PIAS1: variants seen among roughly 807,000 people sequenced by gnomAD.
The protein encoded by PIAS1 is protein inhibitor of activated STAT 1, also known as E3 SUMO-protein ligase PIAS1.
Under a neutral mutation model 71.3 loss-of-function variants are expected in PIAS1, and 6 were observed. The ratio of observed to expected loss-of-function variants is 0.08; its 90% CI spans 0.05 to 0.17. The LOEUF is 0.17. Ranked by LOEUF, PIAS1 falls within the 10% of genes least tolerant of loss-of-function variation. The probability of loss-of-function intolerance (pLI) is 1.00; values close to 1 mark genes in which losing one functional copy is unlikely to be tolerated. For synonymous variants in PIAS1, 303 were observed against 292.9 expected (o/e 1.03, Z -0.35); for missense variants, 555 against 793.6 (o/e 0.70, Z 3.61).
intron 7 of PIAS1, among the ~76,000 whole-genome samples, chr15:68,162,238 A>G (rs915535464): frequency 6.6e-6 from 1 of 152,064 alleles, no homozygotes; most frequent in Admixed American, 6.5e-5. Flanking sequence ...TCTTATTTCA[A>G]TTTATTTTCT....
intron 2 of PIAS1, among the ~76,000 whole-genome samples, 158 bp from the exon 3 acceptor site, chr15:68,141,788 A>C (rs997262828): frequency 1.3e-5 from 2 of 151,190 alleles, no homozygotes; most frequent in African/African-American, 4.8e-5. Flanking sequence ...TTATGTTACA[A>C]TTAGTGTATT....
chr15:68,139,729 A>G (rs2141044531), intron 2 of PIAS1, among the ~76,000 whole-genome samples: 1 of 152,258 alleles, frequency 6.6e-6, no homozygotes, highest in South Asian at 2.1e-4. Flanking sequence ...ATTAGATTTC[A>G]GGTTTTATGT....
Position 68,054,413 on chromosome 15 carries a change from G to T in PIAS1, c.24+63G>T. ...GCGGAGACGGCGCCGCTGCTGCCAG[G>T]GGGGATGGGTCCGACCCTGGGGGGC... On this transcript the variant is annotated intron_variant, in intron 1 of 13. Transcript: ENST00000249636. The surrounding 1 kb of genome is among the most constrained non-coding windows in gnomAD (Gnocchi z 4.6). The T allele has an allele frequency of 2.6e-6, 4 of 1,528,234 alleles. No homozygotes were observed. Among genetic ancestry groups the T allele is most frequent in the East Asian group, 2.5e-5 (1 of 40,578 alleles). The allele number at this position is 1,528,234 out of a possible 1,614,324, so 94.7% of individuals were successfully genotyped here.
intron 2 of PIAS1, among the ~76,000 whole-genome samples, chr15:68,109,860 A>G (rs1213734397): frequency 6.6e-6 from 1 of 152,126 alleles, no homozygotes; most frequent in African/African-American, 2.4e-5. Context: ...AGAAATGTCT[A>G]CTCACTTTTG....
chr15:68,146,161 A>G (rs1158585142), intron 5 of PIAS1, among the ~76,000 whole-genome samples: 1 of 152,132 alleles, frequency 6.6e-6, no homozygotes, highest in East Asian at 1.9e-4. Context: ...TTTTTTCAAC[A>G]AAATCTCAGC....
intron 2 of PIAS1, among the ~76,000 whole-genome samples, chr15:68,123,792 AAT>A (rs1203083111): frequency 6.6e-6 from 1 of 152,162 alleles, no homozygotes; most frequent in Non-Finnish European, 1.5e-5. Context: ...AAACTTGTAT[AAT>A]TTCTGTCTTC....
At chr15:68,095,447 G>A (rs762337986) in intron 2 of PIAS1, among the ~76,000 whole-genome samples, 3 of 151,576 alleles carry the variant, frequency 2.0e-5, no homozygotes, top group Non-Finnish European at 2.9e-5. Flanking sequence ...TAATTTTGGC[G>A]ATCATTTCTT....
chr15:68,106,351 C>CAAAAAAAAAAA (rs11313083), intron 2 of PIAS1, among the ~76,000 whole-genome samples: 28 of 92,758 alleles, frequency 3.0e-4, no homozygotes, highest in East Asian at 1.0e-3. Flanking sequence ...ATGACCTTTG[C>CAAAAAAAAAAA]AAAAAAAAAA....
intron 2 of PIAS1, among the ~76,000 whole-genome samples, chr15:68,094,690 A>G (rs2092359484): frequency 6.6e-6 from 1 of 152,208 alleles, no homozygotes; most frequent in Non-Finnish European, 1.5e-5. Flanking sequence ...TAGAAAGGGC[A>G]TTCAAAGGTT....
chr15:68,163,810 C>T (rs570804151), intron 7 of PIAS1, among the ~76,000 whole-genome samples: 20 of 152,286 alleles, frequency 1.3e-4, no homozygotes, highest in African/African-American at 4.8e-4. Flanking sequence ...ACCCAACTTA[C>T]GGCCCCTTTG....
At chr15:68,142,428 A>G (rs2092777559) in intron 4 of PIAS1, 91 bp downstream of exon 4, 2 of 986,856 alleles carry the variant, frequency 2.0e-6, no homozygotes, top group Non-Finnish European at 3.1e-6. Flanking sequence ...TGCTGACTGT[A>G]GGATATATTC....
chr15:68,067,135 G>A (rs1268181407), intron 1 of PIAS1, among the ~76,000 whole-genome samples: 1 of 152,160 alleles, frequency 6.6e-6, no homozygotes, highest in East Asian at 1.9e-4. Flanking sequence ...GAGCCTCTCT[G>A]GTTCAGTTGT....
At chr15:68,131,955 C>T (rs923124607) in intron 2 of PIAS1, among the ~76,000 whole-genome samples, 7 of 148,472 alleles carry the variant, frequency 4.7e-5, no homozygotes, top group Non-Finnish European at 4.4e-5. Context: ...GTAATCCCAG[C>T]ACTTTGGGAA....
intron 1 of PIAS1, among the ~76,000 whole-genome samples, chr15:68,070,294 GACA>G (rs2092081013): frequency 6.6e-6 from 1 of 152,222 alleles, no homozygotes; most frequent in South Asian, 2.1e-4. Flanking sequence ...GATAGGGCAT[GACA>G]ACATCAATGA....
chr15:68,159,984 T>C (rs1264701131), intron 7 of PIAS1, among the ~76,000 whole-genome samples: 1 of 152,160 alleles, frequency 6.6e-6, no homozygotes, highest in Non-Finnish European at 1.5e-5. Flanking sequence ...TACCAGCATA[T>C]GGTATCATCA....
chr15:68,101,530 G>A (rs924155287), intron 2 of PIAS1, among the ~76,000 whole-genome samples: 3 of 151,998 alleles, frequency 2.0e-5, no homozygotes, highest in African/African-American at 4.8e-5. Flanking sequence ...GTTCACAAGA[G>A]TGATTATAGT....
At chr15:68,140,608 G>A (rs1313884102) in intron 2 of PIAS1, among the ~76,000 whole-genome samples, 1 of 152,188 alleles carries the variant, frequency 6.6e-6, no homozygotes, top group Admixed American at 6.5e-5. Context: ...TACTGTTAAT[G>A]TTGAGATAGA....
chr15:68,155,947 C>T (rs1234008924), intron 7 of PIAS1, among the ~76,000 whole-genome samples: 1 of 152,202 alleles, frequency 6.6e-6, no homozygotes, highest in African/African-American at 2.4e-5. Context: ...CCTAAACCAC[C>T]CATTTCTTCC....
At chr15:68,152,507 A>G (rs1049048729) in intron 6 of PIAS1, among the ~76,000 whole-genome samples, 1 of 152,110 alleles carries the variant, frequency 6.6e-6, no homozygotes, top group Admixed American at 6.5e-5. Context: ...CTGCTCTGTC[A>G]TCAAGCAGTT....
Sources: allele counts gnomAD v4.1 joint callset (sites outside exome capture counted in the v4.1 genomes callset), GRCh38; gene constraint gnomAD v4.1.1; non-coding constraint Gnocchi (gnomAD v3.1); transcripts MANE v1.5; gene names NCBI Gene and HGNC (gene_info 2026-07-23, HGNC 2026-07-21).